Variants in CAMSAP3 observed in about 807,000 individuals in gnomAD.
CAMSAP3 encodes the protein calmodulin-regulated spectrin-associated protein 3.
Under a neutral mutation model 112.5 loss-of-function variants are expected in CAMSAP3, and 34 were observed. The observed-to-expected ratio is 0.30, with a 90% CI of 0.23 to 0.40. CAMSAP3 has a LOEUF of 0.40. Among genes scored for constraint, CAMSAP3 ranks in the 10% least tolerant of loss-of-function variants. The probability of loss-of-function intolerance (pLI) is 1.00; values close to 1 mark genes in which losing one functional copy is unlikely to be tolerated. For synonymous variants in CAMSAP3, 868 were observed against 799.8 expected (o/e 1.09, Z -1.44); for missense variants, 1,602 against 1,770.3 (o/e 0.90, Z 1.71).
In CAMSAP3 at chr19:7,613,080, A is replaced by T. The variant is rs1418028243; in HGVS notation, c.2587A>T (p.Ser863Cys). ...CGCCGCCGAGGACGAGGGAGACGGG[A>T]GCCCCGCTGGTGCTGAGGATTCCTT... ...DPAAEDEGDGSPAGAEDSLEE... is the reference protein window; with the variant it reads ...DPAAEDEGDGCPAGAEDSLEE... Residue 863 changes from serine (S) to cysteine (C), a missense_variant, in exon 11 of 17, where the codon AGC becomes TGC. By Grantham distance (112) the Ser-to-Cys change is moderately radical (BLOSUM62 -1). This residue lies in a region of CAMSAP3 where 1,100 missense variants were observed against 1,135.7 expected (regional missense o/e 0.97). Transcript: ENST00000160298. The T allele has an allele frequency of 6.5e-7, 1 of 1,547,012 alleles. No homozygotes were observed. The highest frequency in any genetic ancestry group is 2.4e-5 in the East Asian group (1 of 40,818).
At chr19:7,606,151 G>GCCCCCC (rs1294171342) in intron 2 of CAMSAP3, 120 bp from the exon 3 acceptor site, 8 of 153,320 alleles carry the variant, frequency 5.2e-5, no homozygotes, top group African/African-American at 4.1e-4. Context: ...GCCCCCTCAA[G>GCCCCCC]CCCCACCCCC....
chr19:7,600,892 A>C (rs1433183446), intron 1 of CAMSAP3, among the ~76,000 whole-genome samples: 1 of 148,906 alleles, frequency 6.7e-6, no homozygotes, highest in Non-Finnish European at 1.5e-5. Flanking sequence ...TTATCCATCC[A>C]TCCATCCATC....
In CAMSAP3 at chr19:7,607,033, G is replaced by A. The variant is rs187041598; in HGVS notation, c.621+462G>A. Among the ~76,000 whole-genome samples the A allele has an allele frequency of 5.8e-3, 889 of 152,100 alleles. 6 individuals carry two copies. Among genetic ancestry groups the A allele is most frequent in the Non-Finnish European group, 7.3e-3 (493 of 67,984 alleles). Reference sequence around the variant, plus strand: ...TGAGAGGGCAGACCCCTCCCCCAGCGAACTGATGGGTGGGGACGAACTTCC... The same window carrying A: ...TGAGAGGGCAGACCCCTCCCCCAGCAAACTGATGGGTGGGGACGAACTTCC... On this transcript the variant is annotated intron_variant, in intron 4 of 16. Coordinates refer to ENST00000160298, the MANE Select transcript of CAMSAP3 (RefSeq NM_020902.2). The surrounding 1 kb of genome is among the most constrained non-coding windows in gnomAD (Gnocchi z 4.9).
chr19:7,616,203 A>C (rs539754722), intron 13 of CAMSAP3, among the ~76,000 whole-genome samples: 1 of 151,274 alleles, frequency 6.6e-6, no homozygotes, highest in Non-Finnish European at 1.5e-5. Context: ...AAGACAAAAA[A>C]AAAAAAAAAA....
At position 7,611,947 on chromosome 19, in the gene CAMSAP3, T is replaced by G. The variant is rs1220001783; in HGVS notation, c.1454T>G (p.Leu485Arg). 1 of 1,601,480 alleles carries G rather than the reference T, an allele frequency of 6.2e-7. No individual in the cohort carries two copies. Among genetic ancestry groups the G allele is most frequent in the East Asian group, 2.2e-5 (1 of 44,600 alleles). The change falls in exon 11 of 17, where the codon CTC (leucine) becomes CGC (arginine). Residue 485 changes from leucine to arginine, a missense_variant. This residue lies in a region of CAMSAP3 where 1,100 missense variants were observed against 1,135.7 expected (regional missense o/e 0.97). Coordinates refer to ENST00000160298, the MANE Select transcript of CAMSAP3 (RefSeq NM_020902.2). The surrounding 1 kb of genome is among the most constrained non-coding windows in gnomAD (Gnocchi z 6.9). ...PDGAADGSFY[L>R]HSPEGPSKPS... ...GGGGCGGCCGACGGCAGCTTCTACC[T>G]CCACTCCCCTGAGGGGCCCTCCAAG...
In CAMSAP3 at chr19:7,606,667, G is replaced by C. The variant is rs1599351264; in HGVS notation, c.621+96G>C. ...TGGACACTCCTGAAGTGGGGAGGGG[G>C]CTAGAGGTGACACACTCTCTCTTTC... On this transcript the variant is annotated intron_variant, in intron 4 of 16. Transcript: ENST00000160298. 7.1e-6 allele frequency: 11 copies of C among 1,549,192 alleles called. No homozygotes were observed. In the East Asian group the frequency reaches 2.5e-4, roughly 35 times the overall value.
intron 4 of CAMSAP3, 115 bp from the exon 5 acceptor site, chr19:7,608,010 AC>A: frequency 3.1e-6 from 4 of 1,290,038 alleles, no homozygotes; most frequent in Non-Finnish European, 4.4e-6. Flanking sequence ...TGTCTCTGGG[AC>A]CCCCAGCTTC....
intron 1 of CAMSAP3, among the ~76,000 whole-genome samples, chr19:7,597,982 G>A (rs577528401): frequency 4.9e-4 from 75 of 152,224 alleles, no homozygotes; most frequent in African/African-American, 1.7e-3. Context: ...AGAGGAGAAG[G>A]GCTGAAGGAA....
intron 13 of CAMSAP3, 117 bp from the exon 14 acceptor site, chr19:7,616,406 G>A: frequency 1.3e-6 from 1 of 749,958 alleles, no homozygotes; most frequent in East Asian, 2.6e-5. Flanking sequence ...GCTGCAGAGG[G>A]CCGAGGGGTC....
chr19:7,617,697 G>A lies in CAMSAP3; in HGVS notation c.3444+36G>A, dbSNP rs929270010. ...CCACACGTGGGAGTTGGGGGCTGGTGGGTGGGTGGGTGGCCTGACTTGGCC... is the reference window on the plus strand; with the variant it reads ...CCACACGTGGGAGTTGGGGGCTGGTAGGTGGGTGGGTGGCCTGACTTGGCC... On this transcript the variant is annotated intron_variant, in intron 16 of 16. Transcript: ENST00000160298. The surrounding 1 kb of genome is among the most constrained non-coding windows in gnomAD (Gnocchi z 7.5). 4 of 1,609,372 alleles carry A rather than the reference G, an allele frequency of 2.5e-6. No individual in the cohort carries two copies. Among genetic ancestry groups the A allele is most frequent in the Non-Finnish European group, 3.4e-6 (4 of 1,176,618 alleles).
intron 14 of CAMSAP3, among the ~76,000 whole-genome samples, chr19:7,616,951 T>TTTTTTTTG (rs1425951314): frequency 2.8e-4 from 39 of 137,212 alleles, no homozygotes; most frequent in African/African-American, 8.1e-4. Context: ...TTTTTTTTTT[T>TTTTTTTTG]TTTTTTTGTT....
chr19:7,597,880 G>C (rs2024471118), intron 1 of CAMSAP3, among the ~76,000 whole-genome samples: 1 of 152,136 alleles, frequency 6.6e-6, no homozygotes, highest in African/African-American at 2.4e-5. Context: ...TGTTCTTGTT[G>C]ACCCAGCTCC....
At chr19:7,603,236 A>T (rs1177600011) in intron 1 of CAMSAP3, among the ~76,000 whole-genome samples, 1 of 146,140 alleles carries the variant, frequency 6.8e-6, no homozygotes, top group Non-Finnish European at 1.5e-5. Flanking sequence ...TTTTTTTAAG[A>T]CAGAGGCTTG....
rs2146162786 is a variant in CAMSAP3, at chr19:7,605,445, G to A, written c.368G>A (p.Arg123His). 2.1e-6 allele frequency: 3 copies of A among 1,458,150 alleles called. No individual in the cohort carries two copies. Among genetic ancestry groups the A allele is most frequent in the Non-Finnish European group, 2.7e-6 (3 of 1,102,590 alleles). The allele number at this position is 1,458,150 out of a possible 1,614,324, so 90.3% of individuals were successfully genotyped here. A position where few individuals can be genotyped will look rare whatever the true frequency, so the allele number is the denominator to read the frequency against. The stretch of plus-strand genomic sequence containing the variant: ...CCTGCTTTGCCCGAGCGCCCGGTGC[G>A]CGAGGCCGACCTGAGGCACCAGCCC... The part of the protein sequence containing the change: ...TVPALPERPV[R>H]EADLRHQPIL... The change falls in exon 2 of 17, where the codon CGC (arginine) becomes CAC (histidine). Residue 123 changes from arginine to histidine, a missense_variant. By Grantham distance (29) the Arg-to-His change is conservative. This residue lies in a region of CAMSAP3 where 35 missense variants were observed against 79.8 expected (regional missense o/e 0.44). Transcript: ENST00000160298.
intron 1 of CAMSAP3, among the ~76,000 whole-genome samples, chr19:7,596,851 C>T (rs532895306): frequency 6.6e-6 from 1 of 152,150 alleles, no homozygotes; most frequent in Non-Finnish European, 1.5e-5. Context: ...GTGGGCCCCC[C>T]GCTCCTCCCG....
In CAMSAP3 at chr19:7,611,764, C is replaced by G. The variant is rs572177369; in HGVS notation, c.1271C>G (p.Pro424Arg). The G allele has an allele frequency of 3.1e-6, 5 of 1,591,640 alleles. No individual in the cohort carries two copies. The East Asian group carries it at 1.1e-4, about 36-fold the overall frequency. The change falls in exon 11 of 17, where the codon CCT (proline) becomes CGT (arginine). Residue 424 changes from proline (P) to arginine (R), a missense_variant. Pro to Arg is a moderately radical substitution (Grantham distance 103). This residue lies in a region of CAMSAP3 where 1,100 missense variants were observed against 1,135.7 expected (regional missense o/e 0.97). Transcript: ENST00000160298. This position sits in a 1 kb window ranked among gnomAD's most constrained non-coding sequence, Gnocchi z 6.9. ...DSDVDVVMGD[P>R]VLLRSVSSDS... ...GACGTGGATGTCGTCATGGGAGACC[C>G]TGTGCTCCTCCGCTCTGTGAGCTCG...
chr19:7,596,921 C>T (rs1394408023), intron 1 of CAMSAP3, among the ~76,000 whole-genome samples: 1 of 152,168 alleles, frequency 6.6e-6, no homozygotes, highest in Non-Finnish European at 1.5e-5. Context: ...GCCCGCTTGC[C>T]TGAGAGCCCG....
At chr19:7,616,437 C>A in intron 13 of CAMSAP3, 86 bp from the exon 14 acceptor site, 1 of 977,736 alleles carries the variant, frequency 1.0e-6, no homozygotes, top group East Asian at 2.4e-5. Context: ...CTGACTCCTC[C>A]TGTGTTCCCC....
intron 13 of CAMSAP3, 151 bp from the exon 14 acceptor site, chr19:7,616,372 A>T: frequency 1.6e-6 from 1 of 610,830 alleles, no homozygotes; most frequent in South Asian, 1.8e-5. Context: ...ATCCTCCCTC[A>T]TAGAGGGGTC....
Sources: allele counts gnomAD v4.1 joint callset (sites outside exome capture counted in the v4.1 genomes callset), GRCh38; gene constraint gnomAD v4.1.1; regional missense constraint gnomAD v4.1.1; non-coding constraint Gnocchi (gnomAD v3.1); transcripts MANE v1.5; gene names NCBI Gene and HGNC (gene_info 2026-07-23, HGNC 2026-07-21).